The following LRRC4C variants were observed in gnomAD, a reference collection of about 807,000 sequenced individuals.
LRRC4C encodes the protein leucine rich repeat containing 4C.
LRRC4C carries 5 observed loss-of-function variants against 33.6 expected under a neutral mutation model. The ratio of observed to expected loss-of-function variants is 0.15; its 90% CI spans 0.08 to 0.31. LRRC4C has a LOEUF of 0.31. LRRC4C is among the 10% of genes least tolerant of loss of function. The probability of loss-of-function intolerance (pLI) is 1.00; values close to 1 mark genes in which losing one functional copy is unlikely to be tolerated. For synonymous variants in LRRC4C, 329 were observed against 302.0 expected, an observed-to-expected ratio of 1.09 and a Z score of -0.93; for missense variants, 560 against 796.7, an observed-to-expected ratio of 0.70 and a Z score of 3.58.
At chr11:41,214,512 A>G (rs1276718330) in intron 1 of LRRC4C, among the ~76,000 whole-genome samples, 1 of 149,002 alleles carries the variant, frequency 6.7e-6, no homozygotes, top group Non-Finnish European at 1.5e-5. Context: ...CGGGTGGATC[A>G]CGAGGTCAGG....
chr11:40,487,508 G>C (rs1953923228), intron 3 of LRRC4C, among the ~76,000 whole-genome samples: 1 of 152,050 alleles, frequency 6.6e-6, no homozygotes, highest in African/African-American at 2.4e-5. Flanking sequence ...TGGATCACCT[G>C]GGTGGGCCTT....
At chr11:40,396,050 T>C (rs1347295395) in intron 3 of LRRC4C, among the ~76,000 whole-genome samples, 3 of 152,080 alleles carry the variant, frequency 2.0e-5, no homozygotes, top group Non-Finnish European at 4.4e-5. Context: ...ATCCACTTGC[T>C]CCTATATAGG....
chr11:40,730,759 T>C (rs1282433332), intron 2 of LRRC4C, among the ~76,000 whole-genome samples: 1 of 152,048 alleles, frequency 6.6e-6, no homozygotes, highest in Non-Finnish European at 1.5e-5. Context: ...CTGTGGACAA[T>C]TGAGTGTTAC....
intron 2 of LRRC4C, among the ~76,000 whole-genome samples, chr11:40,759,711 CA>C (rs1364167405): frequency 3.3e-5 from 5 of 151,968 alleles, no homozygotes; most frequent in African/African-American, 1.2e-4. Context: ...TTCTATTTAT[CA>C]ACTCCTTGTC....
intron 1 of LRRC4C, among the ~76,000 whole-genome samples, chr11:41,322,236 T>C (rs1485579929): frequency 6.6e-6 from 1 of 152,036 alleles, no homozygotes; most frequent in African/African-American, 2.4e-5. Flanking sequence ...TGAAAAAAAG[T>C]TCAAGATATC....
chr11:41,094,062 T>C (rs1057442905), intron 1 of LRRC4C, among the ~76,000 whole-genome samples: 7 of 149,834 alleles, frequency 4.7e-5, no homozygotes, highest in Admixed American at 2.7e-4. Flanking sequence ...TGAGCGGTGA[T>C]CACGAGATCA....
intron 2 of LRRC4C, among the ~76,000 whole-genome samples, chr11:40,717,590 G>A (rs1426092467): frequency 1.3e-5 from 2 of 152,070 alleles, no homozygotes; most frequent in African/African-American, 4.8e-5. Context: ...TTAGGTACCA[G>A]TCACTGCGCT....
chr11:41,002,317 T>G (rs1854439655), intron 1 of LRRC4C, among the ~76,000 whole-genome samples: 2 of 152,174 alleles, frequency 1.3e-5, no homozygotes. Flanking sequence ...TTAAGGCCAT[T>G]GTGTTAACAT....
At chr11:41,400,111 C>T (rs1009044748) in intron 1 of LRRC4C, among the ~76,000 whole-genome samples, 9 of 151,962 alleles carry the variant, frequency 5.9e-5, no homozygotes, top group African/African-American at 1.7e-4. Flanking sequence ...TCTCAGGAAA[C>T]ATCTAATCTA....
chr11:40,987,129 G>A (rs1028513029), intron 1 of LRRC4C, among the ~76,000 whole-genome samples: 2 of 152,032 alleles, frequency 1.3e-5, no homozygotes, highest in African/African-American at 2.4e-5. Context: ...GAAGACATTC[G>A]GTATTCCTCC....
chr11:40,234,825 T>C (rs566099217), intron 5 of LRRC4C, among the ~76,000 whole-genome samples: 1 of 152,272 alleles, frequency 6.6e-6, no homozygotes, highest in South Asian at 2.1e-4. Flanking sequence ...AGAGGGTGTT[T>C]AGCACATCCC....
At position 40,480,864 on chromosome 11, in the gene LRRC4C, T is replaced by C. The variant is rs1953519719; in HGVS notation, c.-269-161143A>G. Among the ~76,000 whole-genome samples, 4 of 151,872 alleles carry C rather than the reference T, an allele frequency of 2.6e-5. No homozygotes were observed. In the South Asian group the frequency reaches 8.3e-4, roughly 32 times the overall value. On this transcript the variant is annotated intron_variant, in intron 3 of 6. Coordinates refer to ENST00000528697, the MANE Select transcript of LRRC4C (RefSeq NM_001258419.2). ...CCAATACTACATGTTTTTAGTTAGA[T>C]GGGGAATCTAAAAAGGCAAACTCAT...
intron 3 of LRRC4C, among the ~76,000 whole-genome samples, chr11:40,383,913 T>C (rs1233646578): frequency 7.3e-6 from 1 of 137,630 alleles, no homozygotes; most frequent in Non-Finnish European, 1.5e-5. Flanking sequence ...TGCTTATTTT[T>C]AATTCAAATT....
rs998482750 is a variant in LRRC4C at position 40,911,360 on chromosome 11, C to T, written c.-407+22275G>A. On this transcript the variant is annotated intron_variant, in intron 2 of 6. Transcript: ENST00000528697. The stretch of plus-strand genomic sequence containing the variant: ...CTCTGAGACAAAACTTCCAGAGGAA[C>T]GATCAGGCAGCAACATTTGCTGTTC... Among the ~76,000 whole-genome samples, 6 of 152,116 alleles carry T rather than the reference C, an allele frequency of 3.9e-5. No homozygotes were observed. In the South Asian group the frequency reaches 8.3e-4, roughly 21 times the overall value.
At chr11:40,361,561 C>A (rs11035804) in intron 3 of LRRC4C, among the ~76,000 whole-genome samples, 44,041 of 151,942 alleles carry the variant, frequency 0.29, 6,807 homozygotes, top group East Asian at 0.5. Flanking sequence ...GGTGAAATAT[C>A]TTTACAAGGA....
chr11:40,194,507 A>G (rs1278834680), intron 5 of LRRC4C, among the ~76,000 whole-genome samples: 1 of 152,120 alleles, frequency 6.6e-6, no homozygotes, highest in Non-Finnish European at 1.5e-5. Flanking sequence ...ATTCTCAGCA[A>G]ACTAACACAG....
intron 3 of LRRC4C, among the ~76,000 whole-genome samples, chr11:40,470,617 G>C (rs1274807382): frequency 1.3e-5 from 2 of 152,168 alleles, no homozygotes; most frequent in Non-Finnish European, 2.9e-5. Context: ...CTAACCCAAT[G>C]CAAGGAAGCT....
intron 1 of LRRC4C, among the ~76,000 whole-genome samples, chr11:41,185,393 T>C (rs1945648299): frequency 6.6e-6 from 1 of 152,156 alleles, no homozygotes; most frequent in Non-Finnish European, 1.5e-5. Flanking sequence ...TAAGACAAAG[T>C]ACATATCTCC....
chr11:40,808,280 T>G (rs1044249564), intron 2 of LRRC4C, among the ~76,000 whole-genome samples: 1 of 152,138 alleles, frequency 6.6e-6, no homozygotes, highest in Non-Finnish European at 1.5e-5. Flanking sequence ...TTGATTTTGA[T>G]TGATAATAAA....
Sources: gnomAD v4.1 joint callset for allele counts (sites outside exome capture counted in the v4.1 genomes callset) on GRCh38, gnomAD v4.1.1 for gene constraint, MANE v1.5 for transcripts, NCBI Gene and HGNC (gene_info 2026-07-23, HGNC 2026-07-21) for gene names.